DLG2: variants seen among roughly 807,000 people sequenced by gnomAD.
DLG2 encodes disks large homolog 2.
Under a neutral mutation model 132.5 loss-of-function variants are expected in DLG2, and 45 were observed. The ratio of observed to expected loss-of-function variants is 0.34; its 90% CI spans 0.27 to 0.44. The LOEUF (loss-of-function observed/expected upper bound fraction) is 0.44, where lower values mean the gene tolerates loss of function less well. Ranked by LOEUF, DLG2 falls within the 20% of genes least tolerant of loss-of-function variation. The probability of loss-of-function intolerance (pLI) is 1.00; values close to 1 mark genes in which losing one functional copy is unlikely to be tolerated. For synonymous variants in DLG2, 424 were observed against 419.6 expected (o/e 1.01, Z -0.13); for missense variants, 1,045 against 1,196.9 (o/e 0.87, Z 1.87).
chr11:84,277,974 G>T (rs2097800048), intron 7 of DLG2, among the ~76,000 whole-genome samples: 1 of 151,052 alleles, frequency 6.6e-6, no homozygotes, highest in Non-Finnish European at 1.5e-5. Context: ...GCTCACTGAA[G>T]ACTTGAAATC....
At chr11:84,071,932 G>A (rs2096763477) in intron 10 of DLG2, among the ~76,000 whole-genome samples, 1 of 152,168 alleles carries the variant, frequency 6.6e-6, no homozygotes, top group Non-Finnish European at 1.5e-5. Flanking sequence ...CCTTCAGAGG[G>A]CTCTGAGGAA....
At chr11:84,546,328 C>T (rs1301842370) in intron 6 of DLG2, among the ~76,000 whole-genome samples, 1 of 152,186 alleles carries the variant, frequency 6.6e-6, no homozygotes, top group East Asian at 1.9e-4. Context: ...CAGTCTGCTT[C>T]CTGTTTGCCT....
intron 7 of DLG2, among the ~76,000 whole-genome samples, chr11:84,415,555 T>C (rs1047935100): frequency 1.3e-5 from 2 of 152,126 alleles, no homozygotes; most frequent in African/African-American, 4.8e-5. Context: ...AAAGGCCAAG[T>C]TTTTTCATTA....
At chr11:84,581,520 AAATTT>A (rs2099516211) in intron 6 of DLG2, among the ~76,000 whole-genome samples, 2 of 152,236 alleles carry the variant, frequency 1.3e-5, no homozygotes, top group Admixed American at 6.5e-5. Context: ...GCTATTTCTC[AAATTT>A]AATTTAATTT....
intron 3 of DLG2, among the ~76,000 whole-genome samples, chr11:85,574,633 C>T (rs1352359468): frequency 6.6e-6 from 1 of 152,034 alleles, no homozygotes; most frequent in Non-Finnish European, 1.5e-5. Flanking sequence ...GGTTTGGTGC[C>T]CTTCCTGTGG....
intron 6 of DLG2, among the ~76,000 whole-genome samples, chr11:84,938,878 T>C (rs1275104528): frequency 6.6e-6 from 1 of 152,122 alleles, no homozygotes; most frequent in Non-Finnish European, 1.5e-5. Flanking sequence ...ATTATAAACA[T>C]AGATAAATAT....
At chr11:85,288,955 T>A (rs544946829) in intron 3 of DLG2, among the ~76,000 whole-genome samples, 2 of 152,182 alleles carry the variant, frequency 1.3e-5, no homozygotes, top group African/African-American at 2.4e-5. Context: ...CTTCGAAACA[T>A]AACAAACAGT....
chr11:83,513,846 T>C (rs2095168972), intron 21 of DLG2, among the ~76,000 whole-genome samples: 1 of 152,308 alleles, frequency 6.6e-6, no homozygotes. Flanking sequence ...TGTAGATATG[T>C]GGCATTATTT....
chr11:83,525,962 T>C (rs1280678664), intron 21 of DLG2, among the ~76,000 whole-genome samples: 1 of 135,752 alleles, frequency 7.4e-6, no homozygotes, highest in Admixed American at 7.2e-5. Context: ...GCTCTTTGTG[T>C]GTCCTAGAGA....
At chr11:85,551,611 A>G (rs1295052315) in intron 3 of DLG2, among the ~76,000 whole-genome samples, 2 of 152,130 alleles carry the variant, frequency 1.3e-5, no homozygotes, top group African/African-American at 2.4e-5. Flanking sequence ...ATTCAAATTA[A>G]TAACATTAAT....
chr11:84,420,650 C>T (rs369118040), intron 7 of DLG2, among the ~76,000 whole-genome samples: 1,076 of 41,690 alleles, frequency 0.026, 5 homozygotes, highest in Non-Finnish European at 0.033. Flanking sequence ...TGCTTGTTTT[C>T]TTTTTTTTTT....
intron 3 of DLG2, among the ~76,000 whole-genome samples, chr11:85,347,443 G>A (rs922962935): frequency 6.6e-6 from 1 of 152,076 alleles, no homozygotes; most frequent in Admixed American, 6.5e-5. Flanking sequence ...TGCCTGTTGG[G>A]CTCATTCAAA....
chr11:83,679,972 G>A (rs1483568020), intron 18 of DLG2, among the ~76,000 whole-genome samples: 7 of 152,080 alleles, frequency 4.6e-5, no homozygotes, highest in Admixed American at 1.3e-4. Context: ...TATGTGTCAC[G>A]TAGGCAAAAT....
chr11:84,421,035 A>C (rs940842413), intron 7 of DLG2, among the ~76,000 whole-genome samples: 2 of 152,020 alleles, frequency 1.3e-5, no homozygotes, highest in African/African-American at 4.8e-5. Context: ...TAGGAGGTGG[A>C]GCTCTTGAAG....
At chr11:85,288,746 G>A (rs573252636) in intron 3 of DLG2, among the ~76,000 whole-genome samples, 32 of 152,168 alleles carry the variant, frequency 2.1e-4, no homozygotes, top group African/African-American at 7.2e-4. Flanking sequence ...AAAGAATAAC[G>A]ACTTGTAATG....
chr11:85,556,383 A>AGGATT (rs1448739191), intron 3 of DLG2, among the ~76,000 whole-genome samples: 2 of 151,916 alleles, frequency 1.3e-5, no homozygotes, highest in African/African-American at 4.8e-5. Context: ...ACTTTTAAAC[A>AGGATT]GGATTATATT....
chr11:83,552,764 C>A (rs1183332786), intron 19 of DLG2, among the ~76,000 whole-genome samples: 1 of 152,156 alleles, frequency 6.6e-6, no homozygotes, highest in East Asian at 1.9e-4. Flanking sequence ...CACATGACCA[C>A]AATTTATAAA....
chr11:83,921,413 G>T lies in DLG2; in HGVS notation c.1496+8915C>A, dbSNP rs1397159981. ...CTATCTCATCTCATTGTTTCCATTT[G>T]TTTCTCAAACCATGTACCGTAATAT... On this transcript the variant is annotated intron_variant, in intron 15 of 27. Transcript: ENST00000376104. Among the ~76,000 whole-genome samples the T allele has an allele frequency of 2.6e-5, 4 of 152,094 alleles. No homozygotes were observed. The East Asian group carries it at 7.7e-4, about 29-fold the overall frequency.
chr11:85,617,772 C>G (rs1396233082), intron 2 of DLG2, among the ~76,000 whole-genome samples: 1 of 152,120 alleles, frequency 6.6e-6, no homozygotes, highest in African/African-American at 2.4e-5. Flanking sequence ...TATTACCATG[C>G]TTTTAATGAT....
Sources: allele counts gnomAD v4.1 joint callset (sites outside exome capture counted in the v4.1 genomes callset), GRCh38; gene constraint gnomAD v4.1.1; transcripts MANE v1.5; gene names NCBI Gene and HGNC (gene_info 2026-07-23, HGNC 2026-07-21).